Variants in SPATS2L observed in about 807,000 individuals in gnomAD.
The protein encoded by SPATS2L is SPATS2-like protein.
In SPATS2L, 30 loss-of-function variants were observed where a neutral mutation model predicts 59.6. The observed-to-expected ratio is 0.50, with a 90% CI of 0.38 to 0.68. SPATS2L has a LOEUF of 0.68. SPATS2L is among the 30% of genes least tolerant of loss of function. The pLI, the probability that SPATS2L is intolerant of heterozygous loss-of-function variation, is 0.00. For missense variants in SPATS2L, 615 were observed against 700.0 expected (o/e 0.88, Z 1.37); for synonymous variants, 252 against 263.5 (o/e 0.96, Z 0.42).
At chr2:200,405,117 G>C (rs2082650575) in intron 3 of SPATS2L, among the ~76,000 whole-genome samples, 1 of 152,226 alleles carries the variant, frequency 6.6e-6, no homozygotes, top group African/African-American at 2.4e-5. Flanking sequence ...CCATTATTCT[G>C]CCCACCACAT....
At chr2:200,412,182 C>A in intron 3 of SPATS2L, 129 bp from the exon 4 acceptor site, 2 of 560,376 alleles carry the variant, frequency 3.6e-6, no homozygotes, top group Non-Finnish European at 6.1e-6. Flanking sequence ...TGCTTGATGA[C>A]AAGAAGGTAG....
chr2:200,318,968 G>A (rs1171321674), intron 1 of SPATS2L, among the ~76,000 whole-genome samples: 1 of 152,142 alleles, frequency 6.6e-6, no homozygotes, highest in African/African-American at 2.4e-5. Flanking sequence ...TGTTATTTGT[G>A]ATTGGACCAA....
chr2:200,339,935 T>G (rs1370957017), intron 2 of SPATS2L, among the ~76,000 whole-genome samples: 1 of 152,230 alleles, frequency 6.6e-6, no homozygotes, highest in East Asian at 1.9e-4. Context: ...CATGCAACCT[T>G]TGTGTCGGGG....
chr2:200,314,776 A>ACC (rs1205179977), intron 1 of SPATS2L, among the ~76,000 whole-genome samples: 1 of 152,214 alleles, frequency 6.6e-6, no homozygotes, highest in African/African-American at 2.4e-5. Flanking sequence ...GGCACTGGAA[A>ACC]TACAGCTAGT....
intron 2 of SPATS2L, among the ~76,000 whole-genome samples, chr2:200,360,543 A>G (rs1397740874): frequency 6.6e-6 from 1 of 152,218 alleles, no homozygotes; most frequent in African/African-American, 2.4e-5. Flanking sequence ...GCCGGCAGGC[A>G]GAAGGATCCT....
chr2:200,362,664 G>T (rs922760111), intron 2 of SPATS2L, among the ~76,000 whole-genome samples: 1 of 152,206 alleles, frequency 6.6e-6, no homozygotes, highest in Non-Finnish European at 1.5e-5. Flanking sequence ...GTGCACCCAG[G>T]TAGAAGGAAG....
At chr2:200,469,770 G>C in intron 10 of SPATS2L, 144 bp from the exon 11 acceptor site, 1 of 626,858 alleles carries the variant, frequency 1.6e-6, no homozygotes. Flanking sequence ...ACTGAGCGTG[G>C]AGCCTCCCAG....
At chr2:200,475,602 G>C (rs12618037) in intron 12 of SPATS2L, among the ~76,000 whole-genome samples, 3,003 of 152,262 alleles carry the variant, frequency 0.02, 68 homozygotes, top group East Asian at 0.13. Context: ...GAATAGAATG[G>C]GAGCCAGGTT....
At chr2:200,360,484 A>G (rs926803723) in intron 2 of SPATS2L, among the ~76,000 whole-genome samples, 2 of 152,194 alleles carry the variant, frequency 1.3e-5, no homozygotes, top group Non-Finnish European at 2.9e-5. Context: ...CAGGGCCTGC[A>G]CCCAAAGCTT....
At chr2:200,348,179 T>C (rs2080583309) in intron 2 of SPATS2L, among the ~76,000 whole-genome samples, 1 of 152,322 alleles carries the variant, frequency 6.6e-6, no homozygotes, top group African/African-American at 2.4e-5. Context: ...CAGCAGGCTG[T>C]CTATTATGTA....
At chr2:200,379,557 A>G (rs1574323733) in intron 2 of SPATS2L, among the ~76,000 whole-genome samples, 1 of 152,202 alleles carries the variant, frequency 6.6e-6, no homozygotes, top group Admixed American at 6.5e-5. Flanking sequence ...AAGGAAAGGA[A>G]GAAAGGGAAC....
intron 6 of SPATS2L, among the ~76,000 whole-genome samples, chr2:200,435,049 G>T (rs2084188100): frequency 6.6e-6 from 1 of 152,096 alleles, no homozygotes; most frequent in African/African-American, 2.4e-5. Context: ...AATTCAATGG[G>T]AAAGTTCAAT....
At chr2:200,380,831 A>T (rs2081784174) in intron 2 of SPATS2L, among the ~76,000 whole-genome samples, 1 of 152,250 alleles carries the variant, frequency 6.6e-6, no homozygotes, top group African/African-American at 2.4e-5. Flanking sequence ...ATTAAACAAA[A>T]AATGCCAATC....
At chr2:200,388,319 C>T (rs1421398857) in intron 2 of SPATS2L, among the ~76,000 whole-genome samples, 3 of 152,014 alleles carry the variant, frequency 2.0e-5, no homozygotes, top group Non-Finnish European at 4.4e-5. Flanking sequence ...ACCTATAATC[C>T]CAGTGCTTTG....
chr2:200,306,661 G>A, upstream of SPATS2L: 2 of 988,076 alleles, frequency 2.0e-6, no homozygotes, highest in Non-Finnish European at 2.4e-6. Context: ...TGCGAGGGGC[G>A]GGAGTGTCCC....
intron 8 of SPATS2L, among the ~76,000 whole-genome samples, chr2:200,445,781 C>T (rs2084995509): frequency 6.6e-6 from 1 of 151,914 alleles, no homozygotes; most frequent in African/African-American, 2.4e-5. Flanking sequence ...TTTTCCCTAC[C>T]CATATTCTCC....
intron 2 of SPATS2L, among the ~76,000 whole-genome samples, chr2:200,369,231 C>T (rs922627911): frequency 1.3e-5 from 2 of 152,000 alleles, no homozygotes; most frequent in African/African-American, 4.8e-5. Flanking sequence ...CGATCTCAGC[C>T]CACTGCAGCC....
chr2:200,406,345 A>G (rs2082686352), intron 3 of SPATS2L, among the ~76,000 whole-genome samples: 1 of 151,822 alleles, frequency 6.6e-6, no homozygotes, highest in African/African-American at 2.4e-5. Flanking sequence ...CCGGCTATTA[A>G]TGTTGCCTCC....
At chr2:200,387,665 G>T (rs2082034362) in intron 2 of SPATS2L, among the ~76,000 whole-genome samples, 2 of 152,326 alleles carry the variant, frequency 1.3e-5, no homozygotes, top group African/African-American at 2.4e-5. Flanking sequence ...TCCCTAGCAT[G>T]TGTCTACTCT....
Sources: allele counts gnomAD v4.1 joint callset (sites outside exome capture counted in the v4.1 genomes callset), GRCh38; gene constraint gnomAD v4.1.1; transcripts MANE v1.5; gene names NCBI Gene and HGNC (gene_info 2026-07-23, HGNC 2026-07-21).